FRMD4A: variants seen among roughly 807,000 people sequenced by gnomAD.
FRMD4A encodes FERM domain containing 4A.
Under a neutral mutation model 129.1 loss-of-function variants are expected in FRMD4A, and 29 were observed. That is an observed-to-expected ratio of 0.22 (90% CI 0.17 to 0.31). The LOEUF (loss-of-function observed/expected upper bound fraction) is 0.31, where lower values mean the gene tolerates loss of function less well. Ranked by LOEUF, FRMD4A falls within the 10% of genes least tolerant of loss-of-function variation. The pLI is 1.00. For synonymous variants in FRMD4A, 634 were observed against 571.6 expected, an observed-to-expected ratio of 1.11 and a Z score of -1.56; for missense variants, 1,272 against 1,375.8, an observed-to-expected ratio of 0.92 and a Z score of 1.19.
rs561044096 is a variant in FRMD4A, at chr10:14,203,137, G to A, written c.45+126921C>T. 1.7e-3 allele frequency among the ~76,000 whole-genome samples: 265 copies of A among 152,168 alleles called. 2 individuals are homozygous for A. Among genetic ancestry groups the A allele is most frequent in the Non-Finnish European group, 2.5e-3 (167 of 67,996 alleles). ...CTCCAGGGCCGTGTAGAAATCCAGTGGTATACTACACATTCACTGGCCTGC... is the reference window on the plus strand; with the variant it reads ...CTCCAGGGCCGTGTAGAAATCCAGTAGTATACTACACATTCACTGGCCTGC... On this transcript the variant is annotated intron_variant, in intron 2 of 24. Coordinates refer to ENST00000357447, the MANE Select transcript of FRMD4A (RefSeq NM_018027.5).
At chr10:13,699,669 G>A (rs2086615599) in intron 14 of FRMD4A, among the ~76,000 whole-genome samples, 2 of 152,102 alleles carry the variant, frequency 1.3e-5, no homozygotes, top group Admixed American at 6.5e-5. Flanking sequence ...TGGCAGTGGG[G>A]TTCAGGAGCA....
intron 4 of FRMD4A, among the ~76,000 whole-genome samples, chr10:13,798,454 C>G (rs115091234): frequency 6.6e-6 from 1 of 152,106 alleles, no homozygotes; most frequent in African/African-American, 2.4e-5. Flanking sequence ...CACGCCTGTA[C>G]GCCTGTAATC....
At chr10:13,700,566 G>A (rs1365502429) in intron 14 of FRMD4A, among the ~76,000 whole-genome samples, 2 of 152,204 alleles carry the variant, frequency 1.3e-5, no homozygotes, top group African/African-American at 4.8e-5. Flanking sequence ...CATCTTGGCA[G>A]GGCTCTTCCC....
intron 2 of FRMD4A, among the ~76,000 whole-genome samples, chr10:13,933,449 T>A (rs2095220574): frequency 1.3e-5 from 2 of 152,314 alleles, no homozygotes; most frequent in South Asian, 4.1e-4. Context: ...AATAAATCCC[T>A]TCATTCCTTC....
chr10:13,797,648 C>T (rs1018466502), intron 4 of FRMD4A, among the ~76,000 whole-genome samples: 1 of 152,162 alleles, frequency 6.6e-6, no homozygotes, highest in African/African-American at 2.4e-5. Context: ...AGCCCATCAT[C>T]CTGGAGAAGA....
intron 2 of FRMD4A, among the ~76,000 whole-genome samples, chr10:14,077,002 C>T (rs933064011): frequency 6.6e-6 from 1 of 152,112 alleles, no homozygotes; most frequent in Admixed American, 6.5e-5. Context: ...TGGAGGCTTA[C>T]AGAGAAGATA....
At chr10:14,024,381 T>C (rs1297943155) in intron 2 of FRMD4A, among the ~76,000 whole-genome samples, 1 of 152,186 alleles carries the variant, frequency 6.6e-6, no homozygotes, top group African/African-American at 2.4e-5. Flanking sequence ...GGTGCTCCAG[T>C]GTCAGCTCAA....
At chr10:14,067,018 A>C (rs1422821342) in intron 2 of FRMD4A, among the ~76,000 whole-genome samples, 1 of 152,358 alleles carries the variant, frequency 6.6e-6, no homozygotes, top group African/African-American at 2.4e-5. Context: ...AGTCAAATAG[A>C]AAATATTAAT....
intron 2 of FRMD4A, among the ~76,000 whole-genome samples, chr10:14,221,210 C>A (rs756590200): frequency 1.3e-5 from 2 of 152,112 alleles, no homozygotes; most frequent in Non-Finnish European, 2.9e-5. Flanking sequence ...GCCCTACTGC[C>A]CTGAGGCCCC....
At chr10:13,925,313 T>G (rs2095118925) in intron 2 of FRMD4A, among the ~76,000 whole-genome samples, 1 of 152,066 alleles carries the variant, frequency 6.6e-6, no homozygotes, top group African/African-American at 2.4e-5. Flanking sequence ...AAACAAAGAA[T>G]TCCCTCTAAT....
At chr10:14,269,716 G>T in intron 2 of FRMD4A, among the ~76,000 whole-genome samples, 1 of 152,190 alleles carries the variant, frequency 6.6e-6, no homozygotes, top group East Asian at 1.9e-4. Flanking sequence ...AATCCCTTTT[G>T]TGAGGTCCCT....
intron 2 of FRMD4A, among the ~76,000 whole-genome samples, chr10:14,104,823 C>T (rs913362510): frequency 2.0e-5 from 3 of 152,214 alleles, no homozygotes; most frequent in African/African-American, 7.2e-5. Context: ...CAGGGAAAAC[C>T]AAACCATCTC....
At chr10:13,958,365 G>A (rs928456131) in intron 2 of FRMD4A, among the ~76,000 whole-genome samples, 9 of 130,814 alleles carry the variant, frequency 6.9e-5, no homozygotes, top group Admixed American at 1.8e-4. Flanking sequence ...CTCACTGCAA[G>A]CTCCGCCTCC....
At chr10:13,744,313 G>GC (rs1293375544) in intron 9 of FRMD4A, among the ~76,000 whole-genome samples, 1 of 152,138 alleles carries the variant, frequency 6.6e-6, no homozygotes, top group Non-Finnish European at 1.5e-5. Context: ...GTGGCCCTGG[G>GC]CACATCATTC....
chr10:14,186,707 T>C (rs925336219), intron 2 of FRMD4A, among the ~76,000 whole-genome samples: 6 of 152,002 alleles, frequency 3.9e-5, no homozygotes, highest in Admixed American at 1.3e-4. Context: ...GAAGGGAGGG[T>C]TATCAGCCTC....
intron 6 of FRMD4A, among the ~76,000 whole-genome samples, chr10:13,765,136 C>T (rs1157819132): frequency 1.7e-5 from 2 of 114,598 alleles, no homozygotes; most frequent in Admixed American, 1.2e-4. Flanking sequence ...TTTTTTGAGA[C>T]GGAGTCTCAC....
chr10:13,931,962 CCAACCA>C (rs1339398776), intron 2 of FRMD4A, among the ~76,000 whole-genome samples: 2 of 151,760 alleles, frequency 1.3e-5, no homozygotes, highest in African/African-American at 4.8e-5. Context: ...AACCAACCAA[CCAACCA>C]ACCAACCAAC....
intron 2 of FRMD4A, among the ~76,000 whole-genome samples, chr10:14,014,086 C>T (rs1489877611): frequency 2.6e-5 from 4 of 152,060 alleles, no homozygotes; most frequent in Non-Finnish European, 5.9e-5. Flanking sequence ...GGTGGGGATG[C>T]AGGGGAAGGA....
intron 8 of FRMD4A, among the ~76,000 whole-genome samples, chr10:13,748,100 G>A (rs919400935): frequency 2.0e-5 from 3 of 152,110 alleles, no homozygotes; most frequent in African/African-American, 7.2e-5. Context: ...CTCACTGAAG[G>A]GCACAGAGTG....
Sources: allele counts gnomAD v4.1 joint callset (sites outside exome capture counted in the v4.1 genomes callset), GRCh38; gene constraint gnomAD v4.1.1; transcripts MANE v1.5; gene names NCBI Gene and HGNC (gene_info 2026-07-23, HGNC 2026-07-21).